PLCB2: variants seen among roughly 807,000 people sequenced by gnomAD.
The protein encoded by PLCB2 is 1-phosphatidylinositol 4,5-bisphosphate phosphodiesterase beta-2.
In PLCB2, 115 loss-of-function variants were observed where a neutral mutation model predicts 141.7. The ratio of observed to expected loss-of-function variants is 0.81; its 90% CI spans 0.70 to 0.95. PLCB2 has a LOEUF of 0.95. Ranked by LOEUF, PLCB2 falls within the 40% of genes least tolerant of loss-of-function variation. The probability of loss-of-function intolerance (pLI) is 0.00; values close to 1 mark genes in which losing one functional copy is unlikely to be tolerated. For synonymous variants in PLCB2, 603 were observed against 595.6 expected (o/e 1.01, Z -0.18); for missense variants, 1,403 against 1,541.1 (o/e 0.91, Z 1.50).
At chr15:40,300,444 T>C (rs553775692) in intron 7 of PLCB2, among the ~76,000 whole-genome samples, 1 of 152,272 alleles carries the variant, frequency 6.6e-6, no homozygotes, top group Admixed American at 6.5e-5. Flanking sequence ...CCCAAGAGAA[T>C]TTACACATGT....
At chr15:40,299,077 A>C in intron 8 of PLCB2, 51 bp downstream of exon 8, 1 of 1,563,200 alleles carries the variant, frequency 6.4e-7, no homozygotes, top group Non-Finnish European at 8.8e-7. Context: ...GGAGGAGGGG[A>C]TTGTTAGCCA....
downstream of PLCB2, among the ~76,000 whole-genome samples, chr15:40,286,251 C>T (rs1177827327): frequency 6.6e-6 from 1 of 152,122 alleles, no homozygotes; most frequent in Non-Finnish European, 1.5e-5. Context: ...CTCCTCTCCC[C>T]TCCTGTCCCA....
chr15:40,291,197 G>T lies in PLCB2; in HGVS notation c.2871-14C>A, dbSNP rs756945175. The T allele has an allele frequency of 5.1e-6, 8 of 1,570,800 alleles. No individual in the cohort carries two copies. In the East Asian group the frequency reaches 1.8e-4, roughly 36 times the overall value. ...CGGGGCAGGCTCCTGGGGAGGCCAC[G>T]TGGGGACAGGCCCTGAGATCCTGCG... On this transcript the variant is annotated splice_polypyrimidine_tract_variant and intron_variant, in intron 26 of 31. Transcript: ENST00000260402.
chr15:40,302,055 C>T (rs1442230292), intron 6 of PLCB2, 23 bp from the exon 7 acceptor site: 1 of 1,613,950 alleles, frequency 6.2e-7, no homozygotes, highest in Non-Finnish European at 8.5e-7. Flanking sequence ...AGAAAGGTAC[C>T]AGGTACAGAG....
Position 40,292,088 on chromosome 15 carries a change from C to T in PLCB2, c.2502G>A (p.Lys834=). 6.2e-7 allele frequency: 1 copy of T among 1,614,214 alleles called. No individual in the cohort carries two copies. Residue 834 remains lysine (K), a synonymous_variant, in exon 23 of 32, where the codon AAG becomes AAA. Coordinates refer to ENST00000260402, the MANE Select transcript of PLCB2 (RefSeq NM_004573.3). ...SAHDTKSVKL[K]EAMGGLPEKP... is the part of the protein sequence containing the mutation. Reference sequence around the variant, plus strand: ...CCTCAGGCAGACCTCCCATGGCCTCCTTGAGCTTCACAGACTTCGTGTCAT... The same window carrying T: ...CCTCAGGCAGACCTCCCATGGCCTCTTTGAGCTTCACAGACTTCGTGTCAT...
chr15:40,285,046 T>C (rs1341565830), downstream of PLCB2, among the ~76,000 whole-genome samples: 3 of 152,062 alleles, frequency 2.0e-5, no homozygotes, highest in Non-Finnish European at 4.4e-5. Flanking sequence ...GGAAAGGTAC[T>C]GGGCATAGAT....
At chr15:40,286,103 A>G (rs2039605426), downstream of PLCB2, 1 of 934,452 alleles carries the variant, frequency 1.1e-6, no homozygotes. Flanking sequence ...GCAAAGCTGA[A>G]AAAAAGCTGA....
downstream of PLCB2, chr15:40,284,509 C>G (rs773682778): frequency 2.2e-6 from 1 of 455,830 alleles, no homozygotes; most frequent in South Asian, 1.5e-5. Flanking sequence ...AAAGATAGGC[C>G]TTCAAGGATG....
At chr15:40,301,608 G>C in intron 7 of PLCB2, 1 of 702,966 alleles carries the variant, frequency 1.4e-6, no homozygotes, top group East Asian at 2.7e-5. Context: ...CGCTCCTCCA[G>C]GCTGAAAACA....
rs764604620 is a variant in PLCB2, at chr15:40,296,322, T to G, written c.1670A>C (p.Lys557Thr). 3.7e-6 allele frequency: 6 copies of G among 1,613,524 alleles called. No homozygotes were observed. The African/African-American group carries it at 6.7e-5, about 18-fold the overall frequency. The change falls in exon 16 of 32, where the codon AAG (lysine) becomes ACG (threonine). Residue 557 changes from lysine (K) to threonine (T), a missense_variant. Coordinates refer to ENST00000260402, the MANE Select transcript of PLCB2 (RefSeq NM_004573.3). ...SSLVNYIQPT[K>T]FVSFEFSAQK... The stretch of plus-strand genomic sequence containing the variant: ...GGCAGAGAACTCAAAGGAGACGAAC[T>G]TGGTGGGCTGGATGTAATTGACTAG...
chr15:40,304,937 C>T lies in PLCB2; in HGVS notation c.85-859G>A, dbSNP rs573407594. The stretch of plus-strand genomic sequence containing the variant: ...GTTTCCAGCAAGGCACAATAGTTGC[C>T]GTATACTAAAACAGACCAAATGCAG... On this transcript the variant is annotated intron_variant, in intron 1 of 31. Coordinates refer to ENST00000260402, the MANE Select transcript of PLCB2 (RefSeq NM_004573.3). Among the ~76,000 whole-genome samples, 11 of 152,192 alleles carry T rather than the reference C, an allele frequency of 7.2e-5. No individual in the cohort carries two copies. In the East Asian group the frequency reaches 1.7e-3, roughly 24 times the overall value.
intron 3 of PLCB2, 24 bp from the exon 4 acceptor site, chr15:40,302,633 A>T (rs1566890243): frequency 6.2e-7 from 1 of 1,613,002 alleles, no homozygotes; most frequent in Admixed American, 1.7e-5. Flanking sequence ...TGGTATGGTT[A>T]GGATGGAGGT....
chr15:40,302,714 C>T, intron 3 of PLCB2, 105 bp from the exon 4 acceptor site: 1 of 1,261,500 alleles, frequency 7.9e-7, no homozygotes, highest in East Asian at 2.4e-5. Context: ...GCCCACTGGG[C>T]AGAACCCCAT....
chr15:40,286,549 G>A (rs1404888374), downstream of PLCB2, among the ~76,000 whole-genome samples: 1 of 152,278 alleles, frequency 6.6e-6, no homozygotes, highest in East Asian at 1.9e-4. Flanking sequence ...AAAGGGGTAG[G>A]GACCCTTCTC....
At chr15:40,303,852 C>T (rs959884069) in intron 2 of PLCB2, 149 bp downstream of exon 2, 1 of 596,714 alleles carries the variant, frequency 1.7e-6, no homozygotes. Flanking sequence ...AGCAAAGAGC[C>T]CCTGCCTACA....
At position 40,288,008 on chromosome 15, in the gene PLCB2, C is replaced by T; in HGVS notation, c.*707G>A. ...GATGCTGACCTTGTCAGGCAGGCAGCCTGAGAGGGGTACATGGTAGGAACT... is the reference window on the plus strand; with the variant it reads ...GATGCTGACCTTGTCAGGCAGGCAGTCTGAGAGGGGTACATGGTAGGAACT... On this transcript the variant is annotated 3_prime_UTR_variant, in exon 32 of 32. Transcript: ENST00000260402. 1 of 985,226 alleles carries T rather than the reference C, an allele frequency of 1.0e-6. No individual in the cohort carries two copies. The highest frequency in any genetic ancestry group is 4.7e-5 in the South Asian group (1 of 21,280). 61.0% of individuals were successfully genotyped at this position (985,226 alleles called of 1,614,324 possible).
downstream of PLCB2, chr15:40,284,302 T>G (rs1479072437): frequency 3.0e-6 from 1 of 328,768 alleles, no homozygotes; most frequent in East Asian, 9.3e-5. Flanking sequence ...CCGCACATTT[T>G]GTTGCCGGCA....
chr15:40,291,346 T>G lies in PLCB2; in HGVS notation c.2789A>C (p.Gln930Pro). The G allele has an allele frequency of 1.3e-6, 2 of 1,525,122 alleles. No individual in the cohort carries two copies. Among genetic ancestry groups the G allele is most frequent in the Non-Finnish European group, 8.7e-7 (1 of 1,143,074 alleles). The allele number at this position is 1,525,122 out of a possible 1,614,324, so 94.5% of individuals were successfully genotyped here. A position where few individuals can be genotyped will look rare whatever the true frequency, so the allele number is the denominator to read the frequency against. Residue 930 changes from glutamine (Q) to proline (P), a missense_variant, in exon 26 of 32, where the codon CAG becomes CCG. By Grantham distance (76) the Gln-to-Pro change is moderately conservative (BLOSUM62 -1). Transcript: ENST00000260402. ...WEELLQRGAA[Q>P]LAELGPPGVG... ...GCCCGGTGGCCCGAGCTCCGCCAGC[T>G]GCGCCGCGCCCCGCTGCAGCAGCTC...
At chr15:40,285,750 C>A, downstream of PLCB2, 4 of 985,360 alleles carry the variant, frequency 4.1e-6, no homozygotes, top group Non-Finnish European at 4.8e-6. Context: ...GGAGGGTGTA[C>A]CCCTGGAACC....
Sources: gnomAD v4.1 joint callset for allele counts (sites outside exome capture counted in the v4.1 genomes callset) on GRCh38, gnomAD v4.1.1 for gene constraint, MANE v1.5 for transcripts, NCBI Gene and HGNC (gene_info 2026-07-23, HGNC 2026-07-21) for gene names.